The following THSD4 variants were observed in gnomAD, a reference collection of about 807,000 sequenced individuals.
The protein encoded by THSD4 is thrombospondin type 1 domain containing 4.
A neutral mutation model predicts 119.0 loss-of-function variants in THSD4; 69 were observed. The ratio of observed to expected loss-of-function variants is 0.58; its 90% CI spans 0.48 to 0.71. The LOEUF (loss-of-function observed/expected upper bound fraction) is 0.71. Among genes scored for constraint, THSD4 ranks in the 30% least tolerant of loss-of-function variants. THSD4 has a pLI of 0.00. For missense variants in THSD4, 1,393 were observed against 1,391.1 expected (o/e 1.00, Z -0.02); for synonymous variants, 524 against 540.4 (o/e 0.97, Z 0.42).
At chr15:71,511,412 C>CA (rs2048281632) in intron 7 of THSD4, among the ~76,000 whole-genome samples, 1 of 152,096 alleles carries the variant, frequency 6.6e-6, no homozygotes, top group Non-Finnish European at 1.5e-5. Context: ...TTTCAAAGGC[C>CA]AAGGTGTTCA....
intron 3 of THSD4, among the ~76,000 whole-genome samples, chr15:71,207,020 A>G (rs1388006581): frequency 6.6e-6 from 1 of 152,122 alleles, no homozygotes; most frequent in Non-Finnish European, 1.5e-5. Context: ...TTATAAGTTT[A>G]TATTTGACAT....
In THSD4 at chr15:71,231,689, G is replaced by A. The variant is rs952021624; in HGVS notation, c.465-10960G>A. 9.0e-4 allele frequency among the ~76,000 whole-genome samples: 137 copies of A among 152,282 alleles called. 1 individual carries two copies. Among genetic ancestry groups the A allele is most frequent in the African/African-American group, 2.9e-3 (120 of 41,556 alleles). On this transcript the variant is annotated intron_variant, in intron 4 of 17. Transcript: ENST00000261862. Reference sequence around the variant, plus strand: ...TCGGGTCTTCAGCACATGGTGGGGAGCAGCAGCAGATCTAGTCAAACCTGC... The same window carrying A: ...TCGGGTCTTCAGCACATGGTGGGGAACAGCAGCAGATCTAGTCAAACCTGC...
At chr15:71,629,975 G>T (rs575562851) in intron 7 of THSD4, among the ~76,000 whole-genome samples, 2 of 152,246 alleles carry the variant, frequency 1.3e-5, no homozygotes, top group African/African-American at 2.4e-5. Context: ...TCAGAGAGGG[G>T]CCTCTGTCTC....
chr15:71,183,250 C>T (rs1267776411), intron 3 of THSD4: 1 of 151,702 alleles, frequency 6.6e-6, no homozygotes, highest in Non-Finnish European at 1.5e-5. Flanking sequence ...AGACTTAATT[C>T]ACTACCACGA....
intron 7 of THSD4, among the ~76,000 whole-genome samples, chr15:71,504,694 C>T (rs114087061): frequency 0.023 from 3,456 of 152,244 alleles, 130 homozygotes; most frequent in African/African-American, 0.079. Context: ...GTTTCAGTGT[C>T]CCCTAGTGTT....
Position 71,215,271 on chromosome 15 carries a change from G to T in THSD4, c.336G>T (p.Val112=). 6.6e-7 allele frequency: 1 copy of T among 1,510,918 alleles called. No homozygotes were observed. Among genetic ancestry groups the T allele is most frequent in the Non-Finnish European group, 8.8e-7 (1 of 1,135,756 alleles). The allele number at this position is 1,510,918 out of a possible 1,614,324, so 93.6% of individuals were successfully genotyped here. The change falls in exon 4 of 18, where the codon GTG becomes GTT. Residue 112 remains valine (V), a synonymous_variant. Transcript: ENST00000261862. Reference sequence around the variant, plus strand: ...TGGTGTCGGCGGTGCGCACGTCGGTGCCACTGCACCGGAGCCGCGACGAGA... The same window carrying T: ...TGGTGTCGGCGGTGCGCACGTCGGTTCCACTGCACCGGAGCCGCGACGAGA... The part of the protein sequence containing the change: ...DHVVSAVRTS[V]PLHRSRDETP...
chr15:71,298,986 C>T (rs540592760), intron 6 of THSD4, among the ~76,000 whole-genome samples: 3 of 152,248 alleles, frequency 2.0e-5, no homozygotes, highest in South Asian at 4.1e-4. Context: ...CCTGGTACAC[C>T]CTCAGCACCT....
intron 7 of THSD4, among the ~76,000 whole-genome samples, chr15:71,606,013 C>T (rs1029687906): frequency 6.6e-6 from 1 of 152,172 alleles, no homozygotes; most frequent in Non-Finnish European, 1.5e-5. Flanking sequence ...GAGTCATCAC[C>T]TGGGCCAAGT....
rs755861970 is a variant in THSD4 at position 71,758,005 on chromosome 15, C to A, written c.2519C>A (p.Ala840Glu). Residue 840 changes from alanine to glutamate, a missense_variant, in exon 15 of 18, where the codon GCA becomes GAA. Ala to Glu is a moderately radical substitution (Grantham distance 107). Coordinates refer to ENST00000261862, the MANE Select transcript of THSD4 (RefSeq NM_024817.3). The stretch of plus-strand genomic sequence containing the variant: ...GAGGGCTGTGGGAACAACCGGCCGG[C>A]AGAGGCCACCCCATGTGACAACGGA... Reference protein sequence around the residue: ...PLEGCGNNRPAEATPCDNGPC... With the variant: ...PLEGCGNNRPEEATPCDNGPC... 1.2e-6 allele frequency: 2 copies of A among 1,613,678 alleles called. No individual in the cohort carries two copies. Among genetic ancestry groups the A allele is most frequent in the South Asian group, 1.1e-5 (1 of 90,942 alleles).
intron 8 of THSD4, among the ~76,000 whole-genome samples, chr15:71,664,637 G>A (rs186482720): frequency 3.3e-5 from 5 of 152,048 alleles, no homozygotes; most frequent in African/African-American, 1.2e-4. Flanking sequence ...TATTTTTTCT[G>A]ATCCTTTCCC....
intron 7 of THSD4, among the ~76,000 whole-genome samples, chr15:71,624,129 C>A (rs1357310720): frequency 6.6e-6 from 1 of 152,146 alleles, no homozygotes; most frequent in East Asian, 1.9e-4. Context: ...GATAACTTAA[C>A]ATATCCTACA....
intron 9 of THSD4, chr15:71,730,007 T>A (rs2052943256): frequency 6.6e-6 from 1 of 152,148 alleles, no homozygotes; most frequent in African/African-American, 2.4e-5. Flanking sequence ...TGCCTTCCTT[T>A]GGGTAATTTA....
At chr15:71,562,497 C>T (rs1464427663) in intron 7 of THSD4, among the ~76,000 whole-genome samples, 1 of 152,082 alleles carries the variant, frequency 6.6e-6, no homozygotes, top group Non-Finnish European at 1.5e-5. Context: ...CAAAGTGGTT[C>T]GCATATATGC....
At chr15:71,707,487 T>C (rs1386640437) in intron 8 of THSD4, among the ~76,000 whole-genome samples, 1 of 152,186 alleles carries the variant, frequency 6.6e-6, no homozygotes, top group Non-Finnish European at 1.5e-5. Context: ...CATTATTAAT[T>C]TGGGAACCAA....
chr15:71,159,106 C>A (rs1385949713), intron 3 of THSD4, among the ~76,000 whole-genome samples: 2 of 152,108 alleles, frequency 1.3e-5, no homozygotes, highest in African/African-American at 4.8e-5. Context: ...GTGTTCCTGG[C>A]ATCTTTGTTG....
At chr15:71,537,908 A>G (rs1461663997) in intron 7 of THSD4, among the ~76,000 whole-genome samples, 2 of 151,968 alleles carry the variant, frequency 1.3e-5, no homozygotes, top group Non-Finnish European at 2.9e-5. Flanking sequence ...GTTTACAGGT[A>G]CATGCCACCA....
intron 6 of THSD4, among the ~76,000 whole-genome samples, chr15:71,407,886 C>T (rs560100343): frequency 8.5e-5 from 13 of 152,262 alleles, no homozygotes; most frequent in South Asian, 8.3e-4. Context: ...TCAGCAAGTA[C>T]GCAGGTGATG....
chr15:71,450,724 T>A (rs76653448), intron 7 of THSD4, among the ~76,000 whole-genome samples: 2,102 of 152,254 alleles, frequency 0.014, 29 homozygotes, highest in Non-Finnish European at 0.018. Flanking sequence ...CCTTCTAGGT[T>A]CCTTGGCTGG....
chr15:71,427,024 T>G (rs1471110107), intron 7 of THSD4, among the ~76,000 whole-genome samples: 2 of 152,198 alleles, frequency 1.3e-5, no homozygotes, highest in Non-Finnish European at 2.9e-5. Context: ...TAGGACCTCT[T>G]GAAACCTTAA....
Sources: gnomAD v4.1 joint callset for allele counts (sites outside exome capture counted in the v4.1 genomes callset) on GRCh38, gnomAD v4.1.1 for gene constraint, MANE v1.5 for transcripts, NCBI Gene and HGNC (gene_info 2026-07-23, HGNC 2026-07-21) for gene names.